DIP2A: variants seen among roughly 807,000 people sequenced by gnomAD.
DIP2A encodes the protein DIP2 acetate--CoA ligase A.
In DIP2A, 85 loss-of-function variants were observed where a neutral mutation model predicts 177.4. That is an observed-to-expected ratio of 0.48 (90% confidence interval 0.40 to 0.57). The LOEUF is 0.57. Among genes scored for constraint, DIP2A ranks in the 20% least tolerant of loss-of-function variants. The probability of loss-of-function intolerance (pLI) is 0.00; values close to 1 mark genes in which losing one functional copy is unlikely to be tolerated. For missense variants in DIP2A, 1,791 were observed against 2,100.2 expected, an observed-to-expected ratio of 0.85 and a Z score of 2.88; for synonymous variants, 886 against 881.8, an observed-to-expected ratio of 1.00 and a Z score of -0.08.
At chr21:46,497,490 G>A (rs2057421380) in intron 4 of DIP2A, among the ~76,000 whole-genome samples, 1 of 152,178 alleles carries the variant, frequency 6.6e-6, no homozygotes, top group Non-Finnish European at 1.5e-5. Context: ...TAACTTAACA[G>A]GTTGTAACCA....
In DIP2A at chr21:46,563,812, C is replaced by T. The variant is rs371829020; in HGVS notation, c.4090-46C>T. 34 of 1,604,142 alleles carry T rather than the reference C, an allele frequency of 2.1e-5. No homozygotes were observed. The African/African-American group carries it at 3.2e-4, about 15-fold the overall frequency. ...TAATGTCACTGAATCAAGAGAGTCTCGTGTCATGTTTTCTTTAACAAGGGA... is the reference window on the plus strand; with the variant it reads ...TAATGTCACTGAATCAAGAGAGTCTTGTGTCATGTTTTCTTTAACAAGGGA... On this transcript the variant is annotated intron_variant, in intron 34 of 37. Coordinates refer to ENST00000417564, the MANE Select transcript of DIP2A (RefSeq NM_015151.4). This position sits in a 1 kb window ranked among gnomAD's most constrained non-coding sequence, Gnocchi z 4.3.
chr21:46,553,289 T>G (rs1233232175), intron 25 of DIP2A: 1 of 152,242 alleles, frequency 6.6e-6, no homozygotes, highest in Non-Finnish European at 1.5e-5. Flanking sequence ...CTTCTGTCAG[T>G]AGAAGCCACC....
intron 5 of DIP2A, among the ~76,000 whole-genome samples, chr21:46,500,738 T>G (rs1323195334): frequency 1.3e-5 from 2 of 152,230 alleles, no homozygotes; most frequent in African/African-American, 4.8e-5. Context: ...GCCCTCAACT[T>G]TCCAGTGATT....
rs1437146090 is a variant in DIP2A, at chr21:46,554,526, G to A, written c.3155-49G>A. On this transcript the variant is annotated intron_variant, in intron 26 of 37. Transcript: ENST00000417564. ...GCAGGAACAGTGAACAGAGGCTGGT[G>A]GGAGCCTCTTGCGGCCGGCCTCCTC... 3 of 1,597,188 alleles carry A rather than the reference G, an allele frequency of 1.9e-6. No homozygotes were observed. In the Admixed American group the frequency reaches 5.2e-5, roughly 28 times the overall value.
chr21:46,566,297 G>A (rs369500297), intron 36 of DIP2A, among the ~76,000 whole-genome samples: 3 of 152,282 alleles, frequency 2.0e-5, no homozygotes, highest in Middle Eastern at 3.4e-3. Context: ...CCTATAGATG[G>A]TGTCCCGTTC....
Position 46,567,717 on chromosome 21 carries a change from C to T in DIP2A, c.*95C>T, listed in dbSNP as rs1045700709. On this transcript the variant is annotated 3_prime_UTR_variant, in exon 38 of 38. Transcript: ENST00000417564. ...ACCGCAGAGCTCACTCACCGGGACT[C>T]GCCCTTCCTGTGCTCTTACAGATCC... 14 of 1,451,932 alleles carry T rather than the reference C, an allele frequency of 9.6e-6. No individual in the cohort carries two copies. The East Asian group carries it at 2.1e-4, about 22-fold the overall frequency. The allele number at this position is 1,451,932 out of a possible 1,614,324, so 89.9% of individuals were successfully genotyped here. A position where few individuals can be genotyped will look rare whatever the true frequency, so the allele number is the denominator to read the frequency against.
intron 1 of DIP2A, among the ~76,000 whole-genome samples, chr21:46,473,278 A>T (rs1046363946): frequency 6.7e-6 from 1 of 150,328 alleles, no homozygotes; most frequent in Admixed American, 6.7e-5. Context: ...ACCCTGGGCA[A>T]CATAGGGAGA....
At chr21:46,480,892 A>G (rs1265226298) in intron 1 of DIP2A, among the ~76,000 whole-genome samples, 1 of 152,106 alleles carries the variant, frequency 6.6e-6, no homozygotes, top group African/African-American at 2.4e-5. Context: ...CCTTAGCCAC[A>G]CTTGGTCCAT....
intron 1 of DIP2A, among the ~76,000 whole-genome samples, chr21:46,466,201 T>C (rs1294895561): frequency 6.6e-6 from 1 of 152,168 alleles, no homozygotes; most frequent in Non-Finnish European, 1.5e-5. Context: ...TTTTGTGAAC[T>C]AATATTTTCC....
At chr21:46,580,721 A>G in the DIP2A span, among the ~76,000 whole-genome samples, 1 of 152,226 alleles carries the variant, frequency 6.6e-6, no homozygotes, top group African/African-American at 2.4e-5. Context: ...TTGACCATAT[A>G]TAAAATTCTG....
downstream of DIP2A, among the ~76,000 whole-genome samples, chr21:46,570,075 T>C (rs1271492883): frequency 6.6e-6 from 1 of 152,182 alleles, no homozygotes; most frequent in Admixed American, 6.5e-5. Context: ...CATGAGTAAA[T>C]GTAGTATTTG....
chr21:46,502,514 C>G (rs1782362272), intron 5 of DIP2A, among the ~76,000 whole-genome samples: 1 of 120,120 alleles, frequency 8.3e-6, no homozygotes, highest in Non-Finnish European at 1.6e-5. Context: ...GTGGTGCAAT[C>G]TTGGCTCACT....
At chr21:46,515,157 A>G (rs893432007) in intron 8 of DIP2A, among the ~76,000 whole-genome samples, 4 of 152,232 alleles carry the variant, frequency 2.6e-5, no homozygotes, top group African/African-American at 4.8e-5. Flanking sequence ...CACAGCCTCA[A>G]CTGTTAAACC....
rs531573432 is a variant in DIP2A, at chr21:46,539,606, C to G, written c.1922-271C>G. On this transcript the variant is annotated intron_variant, in intron 16 of 37. Transcript: ENST00000417564. The stretch of plus-strand genomic sequence containing the variant: ...TTGCAGTGCCGTGCAGCTTGTCTCC[C>G]ACCACATGCAGCACCTTCCTGTCCC... 187 of 466,470 alleles carry G rather than the reference C, an allele frequency of 4.0e-4. 2 individuals are homozygous for G. The highest frequency in any genetic ancestry group is 3.4e-3 in the African/African-American group (173 of 50,588). 28.9% of individuals were successfully genotyped at this position (466,470 alleles called of 1,614,324 possible). A position where few individuals can be genotyped will look rare whatever the true frequency, so the allele number is the denominator to read the frequency against.
chr21:46,549,995 A>G, intron 22 of DIP2A, 110 bp downstream of exon 22: 1 of 1,545,236 alleles, frequency 6.5e-7, no homozygotes, highest in Non-Finnish European at 8.7e-7. Context: ...CCCTGGCTCC[A>G]GCTTTGTTTA....
In DIP2A at chr21:46,490,593, G is replaced by A. The variant is rs2056954232; in HGVS notation, c.164-7G>A. The A allele has an allele frequency of 6.4e-7, 1 of 1,551,358 alleles. No homozygotes were observed. The highest frequency in any genetic ancestry group is 8.7e-7 in the Non-Finnish European group (1 of 1,148,742). On this transcript the variant is annotated splice_region_variant and splice_polypyrimidine_tract_variant and intron_variant, in intron 2 of 37. Transcript: ENST00000417564. ...ACATAAGGTATTCCCATAAAATTGT[G>A]TTTCAGGAATAGACCCATCTCTGCA...
intron 6 of DIP2A, among the ~76,000 whole-genome samples, chr21:46,505,650 T>G (rs1174486719): frequency 1.3e-5 from 2 of 152,172 alleles, no homozygotes; most frequent in Non-Finnish European, 2.9e-5. Context: ...AAAGCATCAC[T>G]ACAATCAAGA....
Position 46,501,959 on chromosome 21 carries a change from G to A in DIP2A, c.656-2402G>A, listed in dbSNP as rs560034769. On this transcript the variant is annotated intron_variant, in intron 5 of 37. Transcript: ENST00000417564. The stretch of plus-strand genomic sequence containing the variant: ...CTTAACGGTTTAGATTTTTTCAAAA[G>A]GTATATTCTGCTATGCAGACAGTGA... 2.6e-3 allele frequency among the ~76,000 whole-genome samples: 389 copies of A among 152,198 alleles called. 1 individual carries two copies. The highest frequency in any genetic ancestry group is 9.2e-3 in the African/African-American group (382 of 41,528).
chr21:46,477,627 A>G (rs2056011062), intron 1 of DIP2A, among the ~76,000 whole-genome samples: 1 of 139,648 alleles, frequency 7.2e-6, no homozygotes, highest in Non-Finnish European at 1.5e-5. Flanking sequence ...AGGCTGGAGT[A>G]CAGTGCCACT....
Sources: allele counts gnomAD v4.1 joint callset (sites outside exome capture counted in the v4.1 genomes callset), GRCh38; gene constraint gnomAD v4.1.1; non-coding constraint Gnocchi (gnomAD v3.1); transcripts MANE v1.5; gene names NCBI Gene and HGNC (gene_info 2026-07-23, HGNC 2026-07-21).